DYM: variants seen among roughly 807,000 people sequenced by gnomAD.
DYM encodes the protein dyggve-Melchior-Clausen syndrome protein.
A neutral mutation model predicts 93.1 loss-of-function variants in DYM; 78 were observed. The ratio of observed to expected loss-of-function variants is 0.84; its 90% confidence interval spans 0.70 to 1.01. DYM has a LOEUF of 1.01. Ranked by LOEUF, DYM falls within the 50% of genes least tolerant of loss-of-function variation. The probability of loss-of-function intolerance (pLI) is 0.00; values close to 1 mark genes in which losing one functional copy is unlikely to be tolerated. For synonymous variants in DYM, 321 were observed against 319.7 expected (o/e 1.00, Z -0.04); for missense variants, 789 against 845.0 (o/e 0.93, Z 0.82).
chr18:49,361,166 T>G (rs983403629), intron 6 of DYM, among the ~76,000 whole-genome samples: 6 of 152,198 alleles, frequency 3.9e-5, no homozygotes, highest in Non-Finnish European at 8.8e-5. Context: ...GTCATGCAAG[T>G]GTCTGCTGCA....
chr18:49,144,348 T>C (rs1245198146), intron 15 of DYM, among the ~76,000 whole-genome samples: 1 of 152,094 alleles, frequency 6.6e-6, no homozygotes, highest in Non-Finnish European at 1.5e-5. Context: ...TGGTGGTGTG[T>C]TCTACATCAG....
At chr18:49,203,871 T>TAAAAAAA (rs71165370) in intron 14 of DYM, among the ~76,000 whole-genome samples, 24 of 63,530 alleles carry the variant, frequency 3.8e-4, no homozygotes, top group East Asian at 6.1e-4. Context: ...TTTAAAAAAG[T>TAAAAAAA]AAAAAAAAAA....
chr18:49,397,851 A>T (rs2070302776), intron 2 of DYM, among the ~76,000 whole-genome samples: 1 of 152,232 alleles, frequency 6.6e-6, no homozygotes, highest in African/African-American at 2.4e-5. Context: ...TATATCTGGG[A>T]AACTGGGGTT....
chr18:49,330,299 GA>G (rs988250853), intron 8 of DYM, among the ~76,000 whole-genome samples: 16 of 151,490 alleles, frequency 1.1e-4, no homozygotes, highest in African/African-American at 3.4e-4. Context: ...AAAACCGTGA[GA>G]AAAAAAAGAC....
At chr18:49,045,995 G>T (rs750627714) in intron 17 of DYM, among the ~76,000 whole-genome samples, 28 of 152,238 alleles carry the variant, frequency 1.8e-4, no homozygotes, top group Non-Finnish European at 3.5e-4. Context: ...AGGGAAGGGG[G>T]AAACAGGCCT....
Position 49,060,792 on chromosome 18 carries a change from G to GGA in DYM, c.2026-16590_2026-16589dup, listed in dbSNP as rs796709756. ...GGGAGAGAGGGAGAGGGAGAAGGAG[G>GGA]GAGAGAGAGAGAGACCGTGAAAAGT... On this transcript the variant is annotated intron_variant, in intron 17 of 17. Transcript: ENST00000675505. Among the ~76,000 whole-genome samples, 98 of 150,140 alleles carry GGA rather than the reference G, an allele frequency of 6.5e-4. 1 individual carries two copies. The highest frequency in any genetic ancestry group is 2.3e-3 in the African/African-American group (94 of 40,808).
At chr18:49,384,990 T>C (rs1309287295) in intron 3 of DYM, among the ~76,000 whole-genome samples, 2 of 147,094 alleles carry the variant, frequency 1.4e-5, no homozygotes, top group East Asian at 4.0e-4. Flanking sequence ...CATCAAATTA[T>C]AGGAAAAACC....
intron 2 of DYM, among the ~76,000 whole-genome samples, chr18:49,396,795 T>G (rs759473622): frequency 1.3e-5 from 2 of 151,962 alleles, no homozygotes; most frequent in African/African-American, 2.4e-5. Context: ...CCACAAGACA[T>G]TAAGTGAAAT....
chr18:49,281,640 C>T (rs562147614), intron 10 of DYM, among the ~76,000 whole-genome samples: 1 of 152,160 alleles, frequency 6.6e-6, no homozygotes, highest in Non-Finnish European at 1.5e-5. Flanking sequence ...AGGATGGGTT[C>T]GTGTCCTTTG....
chr18:49,392,748 C>T, intron 2 of DYM, among the ~76,000 whole-genome samples: 1 of 143,700 alleles, frequency 7.0e-6, no homozygotes, highest in Non-Finnish European at 1.5e-5. Flanking sequence ...GTAATCCCAG[C>T]ACTTTGGGAG....
At chr18:49,164,487 G>A (rs902242322) in intron 14 of DYM, among the ~76,000 whole-genome samples, 9 of 152,192 alleles carry the variant, frequency 5.9e-5, no homozygotes, top group African/African-American at 2.2e-4. Flanking sequence ...CCAGGAAGGT[G>A]GGACCCAAAG....
chr18:49,435,287 A>G (rs935201324), intron 1 of DYM, among the ~76,000 whole-genome samples: 1 of 151,796 alleles, frequency 6.6e-6, no homozygotes, highest in Non-Finnish European at 1.5e-5. Context: ...GACAGGCAGA[A>G]AGAATTAGGA....
intron 17 of DYM, among the ~76,000 whole-genome samples, chr18:49,062,938 C>T (rs936097401): frequency 6.6e-6 from 1 of 152,168 alleles, no homozygotes; most frequent in Non-Finnish European, 1.5e-5. Context: ...AGGCAATACC[C>T]CTTAATCTGT....
chr18:49,170,168 C>T (rs1779530523), intron 14 of DYM, among the ~76,000 whole-genome samples: 1 of 152,150 alleles, frequency 6.6e-6, no homozygotes, highest in African/African-American at 2.4e-5. Flanking sequence ...TACCATTATC[C>T]ATTCTCCCTC....
Position 49,209,567 on chromosome 18 carries a change from T to A in DYM, c.1609A>T (p.Arg537Ter). The change falls in exon 14 of 18, where the codon AGA becomes TGA. Residue 537 changes from arginine (R) to a stop codon, truncating the protein, a stop_gained. Transcript: ENST00000675505. LOFTEE classifies it high-confidence loss of function. ...LLSLTCSHILRSYASSLFSLL... is the reference protein window; with the variant it reads ...LLSLTCSHIL ...GTTAATAACCTGGAAGCATAGGATC[T>A]GAGAATGTGAGAGCAAGTTAAAGAC... The A allele has an allele frequency of 1.6e-6, 2 of 1,289,666 alleles. No homozygotes were observed. Among genetic ancestry groups the A allele is most frequent in the Non-Finnish European group, 2.0e-6 (2 of 988,802 alleles). The allele number at this position is 1,289,666 out of a possible 1,614,324, so 79.9% of individuals were successfully genotyped here.
chr18:49,278,449 G>A (rs2094898628), intron 10 of DYM, among the ~76,000 whole-genome samples: 1 of 152,092 alleles, frequency 6.6e-6, no homozygotes, highest in African/African-American at 2.4e-5. Context: ...GATTAAGAAA[G>A]TTACAAGCAA....
chr18:49,087,321 C>T (rs995136822), intron 17 of DYM, among the ~76,000 whole-genome samples: 2 of 152,204 alleles, frequency 1.3e-5, no homozygotes, highest in Admixed American at 1.3e-4. Context: ...TTTATGACTA[C>T]ATTCAAGATG....
chr18:49,059,707 TACTC>T (rs1331300579), intron 17 of DYM, among the ~76,000 whole-genome samples: 1 of 152,056 alleles, frequency 6.6e-6, no homozygotes, highest in East Asian at 1.9e-4. Context: ...GCTGAAGGCT[TACTC>T]AGTACCACCG....
intron 16 of DYM, among the ~76,000 whole-genome samples, chr18:49,111,438 G>C (rs1389684615): frequency 6.6e-6 from 1 of 152,076 alleles, no homozygotes; most frequent in Admixed American, 6.6e-5. Flanking sequence ...CATAATGCTT[G>C]GCTGAATGTT....
Sources: allele counts gnomAD v4.1 joint callset (sites outside exome capture counted in the v4.1 genomes callset), GRCh38; gene constraint gnomAD v4.1.1; transcripts MANE v1.5; gene names NCBI Gene and HGNC (gene_info 2026-07-23, HGNC 2026-07-21).